The following PLCL1 variants were observed in gnomAD, a reference collection of about 807,000 sequenced individuals.
PLCL1 encodes inactive phospholipase C-like protein 1.
Under a neutral mutation model 84.4 loss-of-function variants are expected in PLCL1, and 41 were observed. That is an observed-to-expected ratio of 0.49 (90% CI 0.38 to 0.63). The LOEUF (loss-of-function observed/expected upper bound fraction) is 0.63. Ranked by LOEUF, PLCL1 falls within the 30% of genes least tolerant of loss-of-function variation. The pLI is 0.00. For missense variants in PLCL1, 1,206 were observed against 1,367.8 expected, an observed-to-expected ratio of 0.88 and a Z score of 1.87; for synonymous variants, 490 against 488.3, an observed-to-expected ratio of 1.00 and a Z score of -0.05.
intron 1 of PLCL1, among the ~76,000 whole-genome samples, chr2:197,835,480 C>T (rs1381368491): frequency 6.6e-6 from 1 of 152,172 alleles, no homozygotes; most frequent in Non-Finnish European, 1.5e-5. Context: ...CTCCCCATTC[C>T]TGGCAACCAT....
At chr2:198,080,506 C>A (rs998015040) in intron 1 of PLCL1, among the ~76,000 whole-genome samples, 1 of 152,084 alleles carries the variant, frequency 6.6e-6, no homozygotes, top group Non-Finnish European at 1.5e-5. Flanking sequence ...CCCTTCAGTC[C>A]GCTGAGGCAC....
At chr2:197,912,854 T>C (rs1414933564) in intron 1 of PLCL1, among the ~76,000 whole-genome samples, 19 of 137,744 alleles carry the variant, frequency 1.4e-4, no homozygotes, top group African/African-American at 4.9e-4. Flanking sequence ...TAATGCTAGA[T>C]GACGAGTTAG....
At chr2:198,043,411 G>C (rs963236529) in intron 1 of PLCL1, among the ~76,000 whole-genome samples, 1 of 152,198 alleles carries the variant, frequency 6.6e-6, no homozygotes, top group Non-Finnish European at 1.5e-5. Context: ...TACTGGGTAG[G>C]TGAAGTCCTG....
intron 1 of PLCL1, among the ~76,000 whole-genome samples, chr2:197,852,391 T>C (rs1334331119): frequency 1.3e-5 from 2 of 152,198 alleles, no homozygotes. Flanking sequence ...TCATGACTGT[T>C]ATCTGTTTGC....
At chr2:197,995,415 C>T (rs80091849) in intron 1 of PLCL1, among the ~76,000 whole-genome samples, 14 of 152,048 alleles carry the variant, frequency 9.2e-5, no homozygotes, top group African/African-American at 1.2e-4. Flanking sequence ...AGCTTGCTAT[C>T]GCCATCCAAT....
At chr2:198,061,396 G>A (rs1261979792) in intron 1 of PLCL1, among the ~76,000 whole-genome samples, 1 of 152,078 alleles carries the variant, frequency 6.6e-6, no homozygotes, top group African/African-American at 2.4e-5. Flanking sequence ...CATTATAAAG[G>A]GATGTTAACC....
At chr2:197,949,939 G>C (rs994376931) in intron 1 of PLCL1, among the ~76,000 whole-genome samples, 3 of 152,108 alleles carry the variant, frequency 2.0e-5, no homozygotes, top group African/African-American at 7.2e-5. Context: ...AATAGAGAGG[G>C]CTATTGGAAG....
chr2:197,957,480 C>T (rs1689516642), intron 1 of PLCL1, among the ~76,000 whole-genome samples: 1 of 152,018 alleles, frequency 6.6e-6, no homozygotes, highest in African/African-American at 2.4e-5. Flanking sequence ...AGAAGCCTCT[C>T]ACTAGTATAA....
At chr2:197,942,328 C>T (rs771395490) in intron 1 of PLCL1, among the ~76,000 whole-genome samples, 51 of 152,136 alleles carry the variant, frequency 3.4e-4, no homozygotes, top group Admixed American at 2.9e-3. Flanking sequence ...TTTTAACAAA[C>T]GTAGATCTCC....
At chr2:198,143,822 A>G (rs1437867516) in intron 5 of PLCL1, among the ~76,000 whole-genome samples, 1 of 152,172 alleles carries the variant, frequency 6.6e-6, no homozygotes, top group African/African-American at 2.4e-5. Context: ...AGAAGTTTAT[A>G]TCATGTTTCA....
At chr2:198,124,194 T>C (rs919768928) in intron 5 of PLCL1, among the ~76,000 whole-genome samples, 5 of 152,162 alleles carry the variant, frequency 3.3e-5, no homozygotes, top group South Asian at 2.1e-4. Flanking sequence ...TTGTTCTTTA[T>C]GTGGGCAGAT....
intron 1 of PLCL1, among the ~76,000 whole-genome samples, chr2:198,056,115 C>G (rs1425726045): frequency 6.6e-6 from 1 of 152,148 alleles, no homozygotes; most frequent in Non-Finnish European, 1.5e-5. Flanking sequence ...TAAAAGCATT[C>G]AAAGAAGTGG....
chr2:197,923,984 C>G (rs970880679), intron 1 of PLCL1, among the ~76,000 whole-genome samples: 24 of 151,820 alleles, frequency 1.6e-4, no homozygotes, highest in African/African-American at 5.8e-4. Context: ...AGCGAAACCC[C>G]GTCTCCACCA....
At chr2:198,000,980 T>G (rs1272787184) in intron 1 of PLCL1, among the ~76,000 whole-genome samples, 4 of 152,218 alleles carry the variant, frequency 2.6e-5, no homozygotes, top group Non-Finnish European at 4.4e-5. Flanking sequence ...GCCTTAAGTT[T>G]CTTATAGGCC....
intron 1 of PLCL1, among the ~76,000 whole-genome samples, chr2:197,857,350 T>G (rs1687349598): frequency 6.6e-6 from 1 of 152,156 alleles, no homozygotes; most frequent in African/African-American, 2.4e-5. Flanking sequence ...TGCAGAGATC[T>G]TCAGCTATAT....
Position 198,085,635 on chromosome 2 carries a change from C to T in PLCL1, c.2118C>T (p.Tyr706=), listed in dbSNP as rs773801605. The T allele has an allele frequency of 6.0e-5, 97 of 1,614,092 alleles. No homozygotes were observed. Among genetic ancestry groups the T allele is most frequent in the Middle Eastern group, 1.6e-4 (1 of 6,062 alleles). Residue 706 remains tyrosine, a synonymous_variant, in exon 2 of 6, where the codon TAC becomes TAT. Transcript: ENST00000428675. The surrounding 1 kb of genome is among the most constrained non-coding windows in gnomAD (Gnocchi z 5.3). ...CTATAATGCGAGATGAAGTTTCTTACTTCAGCGCAAATACAAAGGGCATTC... is the reference window on the plus strand; with the variant it reads ...CTATAATGCGAGATGAAGTTTCTTATTTCAGCGCAAATACAAAGGGCATTC... ...RPSIMRDEVS[Y]FSANTKGILP...
chr2:197,921,238 G>A (rs777387350), intron 1 of PLCL1, among the ~76,000 whole-genome samples: 8 of 152,210 alleles, frequency 5.3e-5, no homozygotes, highest in Non-Finnish European at 1.2e-4. Context: ...TGAACAAAGC[G>A]TTATGTGGTA....
intron 3 of PLCL1, among the ~76,000 whole-genome samples, chr2:198,090,869 T>C (rs1057396871): frequency 2.0e-5 from 3 of 152,206 alleles, no homozygotes; most frequent in African/African-American, 7.2e-5. Context: ...GGATACCTGG[T>C]CTGGGGCTGG....
chr2:198,081,790 T>C (rs1032624731), intron 1 of PLCL1, among the ~76,000 whole-genome samples: 3 of 152,190 alleles, frequency 2.0e-5, no homozygotes, highest in Non-Finnish European at 2.9e-5. Flanking sequence ...TAATAAATTA[T>C]CCTGTCTTTT....
Sources: gnomAD v4.1 joint callset for allele counts (sites outside exome capture counted in the v4.1 genomes callset) on GRCh38, gnomAD v4.1.1 for gene constraint, Gnocchi (gnomAD v3.1) non-coding constraint, MANE v1.5 for transcripts, NCBI Gene and HGNC (gene_info 2026-07-23, HGNC 2026-07-21) for gene names.